The following CACNA1C variants were observed in gnomAD, a reference collection of about 807,000 sequenced individuals.
The protein encoded by CACNA1C is voltage-dependent L-type calcium channel subunit alpha-1C.
CACNA1C carries 30 observed loss-of-function variants against 229.0 expected under a neutral mutation model. That is an observed-to-expected ratio of 0.13 (90% CI 0.10 to 0.18). CACNA1C has a LOEUF of 0.18. CACNA1C is among the 10% of genes least tolerant of loss of function. The pLI is 1.00. For synonymous variants in CACNA1C, 1,114 were observed against 1,132.5 expected (o/e 0.98, Z 0.33); for missense variants, 1,658 against 2,845.0 (o/e 0.58, Z 9.49).
chr12:2,608,256 C>A lies in CACNA1C; in HGVS notation c.3357-255C>A, dbSNP rs1043360135. 6.6e-6 allele frequency among the ~76,000 whole-genome samples: 1 copy of A among 152,230 alleles called. No individual in the cohort carries two copies. The highest frequency in any genetic ancestry group is 2.4e-5 in the African/African-American group (1 of 41,454). On this transcript the variant is annotated intron_variant, in intron 26 of 46. Transcript: ENST00000399655. This position sits in a 1 kb window ranked among gnomAD's most constrained non-coding sequence, Gnocchi z 4.2. The stretch of plus-strand genomic sequence containing the variant: ...CACAGTTTCAAAACACCTTCCTATA[C>A]ATTATTCTAACTACCCTGCAAGGTA...
Position 2,488,153 on chromosome 12 carries a change from G to C in CACNA1C, c.916+1891G>C, listed in dbSNP as rs7133732. 0.067 allele frequency among the ~76,000 whole-genome samples: 10,134 copies of C among 152,248 alleles called. 1,094 individuals carry two copies. Among genetic ancestry groups the C allele is most frequent in the African/African-American group, 0.23 (9,487 of 41,480 alleles). ...TGCAATCAGAGGTCTGTGCACCACA[G>C]AGTAAGGAGAGGGGCTCCAAAGCTG... On this transcript the variant is annotated intron_variant, in intron 6 of 46. Transcript: ENST00000399655. The surrounding 1 kb of genome is among the most constrained non-coding windows in gnomAD (Gnocchi z 4.0).
chr12:2,686,953 C>T (rs777604670), intron 45 of CACNA1C, among the ~76,000 whole-genome samples: 2 of 152,180 alleles, frequency 1.3e-5, no homozygotes, highest in African/African-American at 4.8e-5. Flanking sequence ...AAGTTATACT[C>T]TTTTATAGCA....
chr12:2,233,917 AG>A (rs1328927104), intron 3 of CACNA1C, among the ~76,000 whole-genome samples: 5 of 152,164 alleles, frequency 3.3e-5, no homozygotes, highest in Non-Finnish European at 5.9e-5. Flanking sequence ...TTCAGCTTCA[AG>A]GGGGTCGAAA....
chr12:2,111,217 G>T (rs187393460), intron 1 of CACNA1C, among the ~76,000 whole-genome samples: 1 of 152,226 alleles, frequency 6.6e-6, no homozygotes, highest in Non-Finnish European at 1.5e-5. Context: ...AGGTCCTTGC[G>T]CTCTGGGAAT....
intron 38 of CACNA1C, among the ~76,000 whole-genome samples, chr12:2,669,382 G>A (rs1378640290): frequency 1.3e-5 from 2 of 152,114 alleles, no homozygotes; most frequent in Non-Finnish European, 2.9e-5. Flanking sequence ...GAAAGTTTAC[G>A]AATATGTGTT....
chr12:2,369,680 A>C (rs769298640), intron 3 of CACNA1C, among the ~76,000 whole-genome samples: 13 of 152,214 alleles, frequency 8.5e-5, no homozygotes, highest in Non-Finnish European at 1.6e-4. Context: ...CTGGGATTAC[A>C]GGTGTGAGCC....
chr12:2,422,149 T>TAA (rs1163152024), intron 3 of CACNA1C, among the ~76,000 whole-genome samples: 4 of 152,242 alleles, frequency 2.6e-5, no homozygotes, highest in Non-Finnish European at 4.4e-5. Flanking sequence ...AAAGTGATTC[T>TAA]TCCTCCATGA....
At chr12:2,273,531 G>C (rs1261022595) in intron 3 of CACNA1C, among the ~76,000 whole-genome samples, 1 of 152,200 alleles carries the variant, frequency 6.6e-6, no homozygotes, top group Non-Finnish European at 1.5e-5. Flanking sequence ...GTTAGGACCA[G>C]CAGGACGGCC....
rs2048844830 is a variant in CACNA1C at position 2,034,986 on chromosome 12, G to C, written c.139+63785G>C. Reference sequence around the variant, plus strand: ...AGAGGAGAAGGAGGTCTGGGCACTGGAAGCGGCACACGTGGAAACGGTAAA... The same window carrying C: ...AGAGGAGAAGGAGGTCTGGGCACTGCAAGCGGCACACGTGGAAACGGTAAA... On this transcript the variant is annotated intron_variant, in intron 1 of 46. Coordinates refer to the CACNA1C transcript ENST00000682462. This position sits in a 1 kb window ranked among gnomAD's most constrained non-coding sequence, Gnocchi z 4.1. 6.6e-6 allele frequency among the ~76,000 whole-genome samples: 1 copy of C among 152,244 alleles called. No individual in the cohort carries two copies. Among genetic ancestry groups the C allele is most frequent in the Non-Finnish European group, 1.5e-5 (1 of 68,042 alleles).
At chr12:2,329,113 A>G (rs7301906) in intron 3 of CACNA1C, among the ~76,000 whole-genome samples, 18,051 of 152,188 alleles carry the variant, frequency 0.12, 2,867 homozygotes, top group African/African-American at 0.36. Context: ...CAATGTTGGT[A>G]TACAATGGCT....
rs140273028 is a variant in CACNA1C at position 2,486,327 on chromosome 12, C to T, written c.916+65C>T. On this transcript the variant is annotated intron_variant, in intron 6 of 46. Transcript: ENST00000399655. The surrounding 1 kb of genome is among the most constrained non-coding windows in gnomAD (Gnocchi z 4.9). ...TCTATCGCTCCCAGCACCTTTCCCG[C>T]TGCTGGCTACACCAACATGACCAGC... 1.0e-3 allele frequency: 1,398 copies of T among 1,370,062 alleles called. 7 individuals carry two copies. The African/African-American group carries it at 0.018, about 18-fold the overall frequency. The allele number at this position is 1,370,062 out of a possible 1,614,324, so 84.9% of individuals were successfully genotyped here.
intron 39 of CACNA1C, 127 bp downstream of exon 39, chr12:2,674,769 C>T: frequency 5.6e-6 from 5 of 889,414 alleles, no homozygotes; most frequent in Non-Finnish European, 8.4e-6. Context: ...CTTGAGTCCC[C>T]TAGGCTTGCT....
intron 3 of CACNA1C, among the ~76,000 whole-genome samples, chr12:2,245,178 CT>C (rs1288815138): frequency 6.6e-6 from 1 of 152,208 alleles, no homozygotes; most frequent in Admixed American, 6.5e-5. Context: ...GATTTGCATA[CT>C]TTAAGAAGGT....
At chr12:2,580,520 G>C (rs2060117178) in intron 13 of CACNA1C, among the ~76,000 whole-genome samples, 2 of 152,222 alleles carry the variant, frequency 1.3e-5, no homozygotes, top group Non-Finnish European at 2.9e-5. Context: ...AGGGAAATGA[G>C]ATTGTTCTGT....
chr12:2,377,201 A>G (rs975756543), intron 3 of CACNA1C, among the ~76,000 whole-genome samples: 5 of 152,122 alleles, frequency 3.3e-5, no homozygotes, highest in African/African-American at 1.2e-4. Context: ...AAACACCAGC[A>G]TGAGCTGTGG....
At chr12:2,083,742 G>T (rs923168813) in intron 1 of CACNA1C, among the ~76,000 whole-genome samples, 9 of 152,208 alleles carry the variant, frequency 5.9e-5, no homozygotes, top group Admixed American at 5.2e-4. Flanking sequence ...CCATATTTCA[G>T]TGCCAAGAAC....
At chr12:2,010,635 G>GA (rs1565915668) in intron 1 of CACNA1C, among the ~76,000 whole-genome samples, 1 of 152,174 alleles carries the variant, frequency 6.6e-6, no homozygotes, top group Non-Finnish European at 1.5e-5. Flanking sequence ...GGAGTCAGGT[G>GA]AAAGCTCAGT....
At chr12:2,600,721 T>C (rs1209473969) in intron 21 of CACNA1C, among the ~76,000 whole-genome samples, 1 of 152,212 alleles carries the variant, frequency 6.6e-6, no homozygotes, top group East Asian at 1.9e-4. Flanking sequence ...CGTCATCTTG[T>C]GTGTTCTCTT....
In CACNA1C at chr12:2,660,005, A is replaced by G. The variant is rs895808590; in HGVS notation, c.4232+4767A>G. 2.0e-5 allele frequency: 4 copies of G among 195,684 alleles called. No individual in the cohort carries two copies. In the South Asian group the frequency reaches 3.7e-4, roughly 18 times the overall value. 12.1% of individuals were successfully genotyped at this position (195,684 alleles called of 1,614,324 possible). On this transcript the variant is annotated intron_variant, in intron 34 of 46. Coordinates refer to ENST00000399655, the MANE Select transcript of CACNA1C (RefSeq NM_000719.7). The stretch of plus-strand genomic sequence containing the variant: ...TCATTGAAGTGGACAGTGAATGCAA[A>G]CCATACCTTTTATGAGAAGCATATG...
Sources: gnomAD v4.1 joint callset for allele counts (sites outside exome capture counted in the v4.1 genomes callset) on GRCh38, gnomAD v4.1.1 for gene constraint, Gnocchi (gnomAD v3.1) non-coding constraint, MANE v1.5 for transcripts, NCBI Gene and HGNC (gene_info 2026-07-23, HGNC 2026-07-21) for gene names.